Variants in SGCZ observed in about 807,000 individuals in gnomAD.
SGCZ encodes zeta-sarcoglycan.
Under a neutral mutation model 41.3 loss-of-function variants are expected in SGCZ, and 40 were observed. The observed-to-expected ratio is 0.97, with a 90% CI of 0.75 to 1.26. SGCZ has a LOEUF of 1.26. Among genes scored for constraint, SGCZ ranks in the 50% most tolerant of loss-of-function variants. The pLI is 0.00. For missense variants in SGCZ, 552 were observed against 369.8 expected (o/e 1.49, Z -4.04); for synonymous variants, 206 against 137.5 (o/e 1.50, Z -3.49).
chr8:14,982,961 TC>T (rs1271443410), intron 1 of SGCZ, among the ~76,000 whole-genome samples: 1 of 152,218 alleles, frequency 6.6e-6, no homozygotes, highest in African/African-American at 2.4e-5. Context: ...GTAGTTGGAA[TC>T]CCAATTTAGC....
intron 2 of SGCZ, among the ~76,000 whole-genome samples, chr8:14,489,645 A>T (rs1750680012): frequency 6.6e-6 from 1 of 152,088 alleles, no homozygotes; most frequent in Admixed American, 6.5e-5. Flanking sequence ...AACTAGAAAA[A>T]AGACTTGAAA....
intron 1 of SGCZ, among the ~76,000 whole-genome samples, chr8:14,990,914 C>T (rs1282933126): frequency 1.3e-5 from 2 of 152,152 alleles, no homozygotes; most frequent in East Asian, 1.9e-4. Context: ...CCAACCCAGT[C>T]CCAGTCCAGC....
chr8:14,171,183 T>C (rs1321660410), intron 4 of SGCZ, among the ~76,000 whole-genome samples: 2 of 151,724 alleles, frequency 1.3e-5, no homozygotes, highest in East Asian at 3.9e-4. Context: ...ACCTCAGAAT[T>C]TTTTTCTTTT....
chr8:14,299,257 AG>A (rs571042068), intron 3 of SGCZ, among the ~76,000 whole-genome samples: 10 of 152,108 alleles, frequency 6.6e-5, no homozygotes, highest in Middle Eastern at 3.4e-3. Flanking sequence ...TACAAATTTC[AG>A]GTAGTCAAAG....
At chr8:14,976,918 G>A (rs1401124459) in intron 1 of SGCZ, among the ~76,000 whole-genome samples, 1 of 152,192 alleles carries the variant, frequency 6.6e-6, no homozygotes, top group Non-Finnish European at 1.5e-5. Flanking sequence ...TAAAATTTGA[G>A]TGACGTACAT....
At chr8:14,791,366 T>C (rs908207694) in intron 1 of SGCZ, among the ~76,000 whole-genome samples, 5 of 152,092 alleles carry the variant, frequency 3.3e-5, no homozygotes, top group Non-Finnish European at 1.5e-5. Context: ...ACCTCACCAT[T>C]GTGGGAGTGC....
chr8:14,471,650 T>C (rs1054468618), intron 2 of SGCZ, among the ~76,000 whole-genome samples: 4 of 152,056 alleles, frequency 2.6e-5, no homozygotes, highest in Non-Finnish European at 4.4e-5. Context: ...AAATGTCACA[T>C]CAGCTACATA....
chr8:14,903,240 T>A (rs1799024618), intron 1 of SGCZ, among the ~76,000 whole-genome samples: 1 of 152,126 alleles, frequency 6.6e-6, no homozygotes, highest in Non-Finnish European at 1.5e-5. Context: ...AACATTCTCA[T>A]GACAAATGGC....
intron 1 of SGCZ, among the ~76,000 whole-genome samples, chr8:14,597,665 T>C (rs980834673): frequency 7.9e-5 from 12 of 152,046 alleles, no homozygotes; most frequent in Admixed American, 2.0e-4. Flanking sequence ...TTAGTAGTAA[T>C]GGGGTTTTAC....
At chr8:14,832,653 G>A (rs907902498) in intron 1 of SGCZ, among the ~76,000 whole-genome samples, 1 of 152,066 alleles carries the variant, frequency 6.6e-6, no homozygotes, top group South Asian at 2.1e-4. Flanking sequence ...CTGCAGTTCT[G>A]GTAATGTTCT....
intron 1 of SGCZ, among the ~76,000 whole-genome samples, chr8:14,928,114 T>C (rs1459563169): frequency 6.6e-6 from 1 of 152,190 alleles, no homozygotes; most frequent in Admixed American, 6.5e-5. Context: ...ATCCATGCTG[T>C]GTGAAAATAT....
At chr8:14,563,588 C>G (rs1804271702) in intron 1 of SGCZ, among the ~76,000 whole-genome samples, 2 of 152,152 alleles carry the variant, frequency 1.3e-5, no homozygotes, top group South Asian at 4.1e-4. Context: ...ATGTGTGCCA[C>G]AGGTTTGCTT....
At chr8:14,238,418 T>A (rs1301832890) in intron 3 of SGCZ, among the ~76,000 whole-genome samples, 1 of 152,214 alleles carries the variant, frequency 6.6e-6, no homozygotes, top group Non-Finnish European at 1.5e-5. Flanking sequence ...ATGGAAATGC[T>A]CTGTAAATCA....
chr8:14,600,382 A>G (rs972731357), intron 1 of SGCZ, among the ~76,000 whole-genome samples: 5 of 152,150 alleles, frequency 3.3e-5, no homozygotes, highest in Admixed American at 1.3e-4. Context: ...TATCATCTCT[A>G]CTTGGATGAG....
chr8:14,337,616 G>A (rs1026525496), intron 2 of SGCZ, among the ~76,000 whole-genome samples: 1 of 152,126 alleles, frequency 6.6e-6, no homozygotes, highest in Non-Finnish European at 1.5e-5. Flanking sequence ...GAGAATGAAA[G>A]TCTCAGGAAA....
At chr8:15,114,053 G>C (rs921714) in intron 1 of SGCZ, among the ~76,000 whole-genome samples, 72,527 of 152,046 alleles carry the variant, frequency 0.48, 18,947 homozygotes, top group Admixed American at 0.58. Context: ...TGCCAGATTA[G>C]AGAAACAGAT....
intron 2 of SGCZ, among the ~76,000 whole-genome samples, chr8:14,434,731 CT>C (rs1800039907): frequency 6.6e-6 from 1 of 152,030 alleles, no homozygotes; most frequent in South Asian, 2.1e-4. Flanking sequence ...TTTGCAACAG[CT>C]ATTGTAAAAG....
chr8:14,672,863 T>C (rs764314924), intron 1 of SGCZ, among the ~76,000 whole-genome samples: 2 of 152,190 alleles, frequency 1.3e-5, no homozygotes, highest in Non-Finnish European at 2.9e-5. Flanking sequence ...CTTTTTCTTA[T>C]AAAGGGGTCA....
chr8:14,616,436 T>G (rs1806108766), intron 1 of SGCZ, among the ~76,000 whole-genome samples: 1 of 152,206 alleles, frequency 6.6e-6, no homozygotes, highest in Non-Finnish European at 1.5e-5. Flanking sequence ...ATTACTCTAT[T>G]TTTGTATTTT....
Sources: allele counts gnomAD v4.1 joint callset (sites outside exome capture counted in the v4.1 genomes callset), GRCh38; gene constraint gnomAD v4.1.1; transcripts MANE v1.5; gene names NCBI Gene and HGNC (gene_info 2026-07-23, HGNC 2026-07-21).